Variants in STPG2 observed in about 807,000 individuals in gnomAD.
STPG2 encodes the protein sperm tail PG-rich repeat containing 2, also known as sperm-tail PG-rich repeat-containing protein 2.
In STPG2, 56 loss-of-function variants were observed where a neutral mutation model predicts 54.2. The observed-to-expected ratio is 1.03, with a 90% CI of 0.83 to 1.29. The LOEUF (loss-of-function observed/expected upper bound fraction) is 1.29, where lower values mean the gene tolerates loss of function less well. Among genes scored for constraint, STPG2 ranks in the 50% most tolerant of loss-of-function variants. The pLI is 0.00. For synonymous variants in STPG2, 200 were observed against 181.8 expected (o/e 1.10, Z -0.81); for missense variants, 596 against 544.9 (o/e 1.09, Z -0.93).
chr4:97,927,315 T>C lies in STPG2; in HGVS notation c.1044+16582A>G, dbSNP rs528631519. ...TTTGTTAACTTTTAGAAAATGTTGG[T>C]ATAATTTTTGTGATATATTTTGTTA... On this transcript the variant is annotated intron_variant, in intron 8 of 10. Transcript: ENST00000295268. Among the ~76,000 whole-genome samples, 166 of 152,254 alleles carry C rather than the reference T, an allele frequency of 1.1e-3. 3 individuals are homozygous for C. In the South Asian group the frequency reaches 0.033, roughly 30 times the overall value.
Position 98,028,165 on chromosome 4 carries a change from C to T in STPG2, c.613-46847G>A, listed in dbSNP as rs1445627633. On this transcript the variant is annotated intron_variant, in intron 5 of 10. Coordinates refer to ENST00000295268, the MANE Select transcript of STPG2 (RefSeq NM_174952.3). ...TAGCAAAAGATAATTCAACCACAAC[C>T]TCAGTTTTCTCCCCAGAACTCGCTT... Among the ~76,000 whole-genome samples, 8 of 152,186 alleles carry T rather than the reference C, an allele frequency of 5.3e-5. No homozygotes were observed. The East Asian group carries it at 1.2e-3, about 22-fold the overall frequency.
chr4:97,755,271 A>C (rs1018728986), intron 9 of STPG2, among the ~76,000 whole-genome samples: 1 of 152,186 alleles, frequency 6.6e-6, no homozygotes, highest in Non-Finnish European at 1.5e-5. Context: ...GCCCACTAAC[A>C]ATATACTTGT....
At chr4:97,717,241 C>T (rs1724317852) in intron 9 of STPG2, among the ~76,000 whole-genome samples, 3 of 152,110 alleles carry the variant, frequency 2.0e-5, no homozygotes, top group Admixed American at 2.0e-4. Context: ...TTATTTTTGC[C>T]ATCCCTTTAA....
intron 8 of STPG2, among the ~76,000 whole-genome samples, chr4:97,886,985 C>T (rs1730594938): frequency 6.6e-6 from 1 of 152,192 alleles, no homozygotes; most frequent in Admixed American, 6.5e-5. Context: ...TCCCCCTTTG[C>T]CTTCCACCAG....
intron 8 of STPG2, among the ~76,000 whole-genome samples, chr4:97,841,929 T>C (rs1169334322): frequency 6.6e-6 from 1 of 151,844 alleles, no homozygotes; most frequent in Non-Finnish European, 1.5e-5. Context: ...CTTACTATTC[T>C]AGAAAAGCTA....
At chr4:97,630,289 C>T (rs1413422975) in intron 10 of STPG2, among the ~76,000 whole-genome samples, 5 of 151,736 alleles carry the variant, frequency 3.3e-5, no homozygotes, top group African/African-American at 4.8e-5. Flanking sequence ...TGAAACAAAA[C>T]AATTGTGGTT....
chr4:97,783,261 C>T (rs1018520837), intron 9 of STPG2, among the ~76,000 whole-genome samples: 12 of 152,256 alleles, frequency 7.9e-5, no homozygotes, highest in African/African-American at 1.9e-4. Context: ...AAAAAGTGGC[C>T]AAAGGATATG....
intron 10 of STPG2, among the ~76,000 whole-genome samples, chr4:97,651,363 G>A (rs545953419): frequency 1.3e-5 from 2 of 151,992 alleles, no homozygotes; most frequent in Non-Finnish European, 2.9e-5. Context: ...GTATCAACAG[G>A]TTAAACTGTT....
At chr4:97,483,509 C>T (rs556550964) in intron 4 of STPG2, among the ~76,000 whole-genome samples, 11 of 151,762 alleles carry the variant, frequency 7.2e-5, no homozygotes, top group African/African-American at 2.4e-4. Flanking sequence ...AAGGCCTTGT[C>T]TAACAGGAAA....
At chr4:98,088,938 C>A (rs969721190) in intron 5 of STPG2, among the ~76,000 whole-genome samples, 13 of 152,078 alleles carry the variant, frequency 8.5e-5, no homozygotes, top group Non-Finnish European at 1.9e-4. Flanking sequence ...CCTTTGGATC[C>A]CACTTTTATT....
At chr4:97,749,977 C>A (rs144470985) in intron 9 of STPG2, among the ~76,000 whole-genome samples, 119 of 151,876 alleles carry the variant, frequency 7.8e-4, no homozygotes, top group Non-Finnish European at 1.4e-3. Flanking sequence ...AGGGATGGTA[C>A]CACCATAAAA....
In STPG2 at chr4:97,964,884, G is replaced by A. The variant is rs549797704; in HGVS notation, c.933+7396C>T. ...TATGTAGTGCCATTCCAAGATGGCC[G>A]AATAGGAACAGCTCTGGTCTGCAGC... On this transcript the variant is annotated intron_variant, in intron 7 of 10. Transcript: ENST00000295268. Among the ~76,000 whole-genome samples the A allele has an allele frequency of 2.4e-3, 364 of 152,260 alleles. 1 individual carries two copies. The highest frequency in any genetic ancestry group is 4.0e-3 in the Non-Finnish European group (269 of 68,018).
chr4:97,543,300 T>C (rs186175431), intron 4 of STPG2, among the ~76,000 whole-genome samples: 5 of 151,914 alleles, frequency 3.3e-5, no homozygotes, highest in South Asian at 2.1e-4. Context: ...TCTGACTTAT[T>C]ATTAAAGAGA....
intron 9 of STPG2, among the ~76,000 whole-genome samples, chr4:97,803,586 T>C (rs1004680674): frequency 1.3e-5 from 2 of 152,078 alleles, no homozygotes; most frequent in African/African-American, 2.4e-5. Context: ...GTCACCCAGG[T>C]TGAAGTGTTA....
chr4:97,940,474 T>G (rs1732934882), intron 8 of STPG2, among the ~76,000 whole-genome samples: 1 of 152,214 alleles, frequency 6.6e-6, no homozygotes, highest in Admixed American at 6.5e-5. Context: ...AATCCCATAC[T>G]TCTTGGAGGT....
chr4:98,069,328 T>C (rs190612535), intron 5 of STPG2, among the ~76,000 whole-genome samples: 84 of 152,222 alleles, frequency 5.5e-4, no homozygotes, highest in Admixed American at 1.2e-3. Context: ...AAATGACTGA[T>C]ATGCAAACTT....
At chr4:97,647,282 T>A (rs1194003621) in intron 10 of STPG2, among the ~76,000 whole-genome samples, 2 of 152,146 alleles carry the variant, frequency 1.3e-5, no homozygotes, top group African/African-American at 2.4e-5. Flanking sequence ...TCCTGTTGAA[T>A]GAGCAAGACT....
chr4:97,695,038 G>A (rs28838303), intron 10 of STPG2, among the ~76,000 whole-genome samples: 87,013 of 147,726 alleles, frequency 0.59, 25,903 homozygotes, highest in South Asian at 0.68. Context: ...ATAACAAAAA[G>A]AGAAAACTAT....
chr4:97,841,043 T>G, intron 8 of STPG2, 111 bp from the exon 9 acceptor site: 1 of 998,334 alleles, frequency 1.0e-6, no homozygotes, highest in South Asian at 2.0e-5. Flanking sequence ...CCTAATACTT[T>G]TATTAATTAA....
Sources: gnomAD v4.1 joint callset for allele counts (sites outside exome capture counted in the v4.1 genomes callset) on GRCh38, gnomAD v4.1.1 for gene constraint, MANE v1.5 for transcripts, NCBI Gene and HGNC (gene_info 2026-07-23, HGNC 2026-07-21) for gene names.